Variants in PCDH7 observed in about 807,000 individuals in gnomAD.
PCDH7 encodes the protein protocadherin-7.
PCDH7 carries 17 observed loss-of-function variants against 58.9 expected under a neutral mutation model. That is an observed-to-expected ratio of 0.29 (90% CI 0.20 to 0.43). The LOEUF (loss-of-function observed/expected upper bound fraction) is 0.43, where lower values mean the gene tolerates loss of function less well. Ranked by LOEUF, PCDH7 falls within the 20% of genes least tolerant of loss-of-function variation. The probability of loss-of-function intolerance (pLI) is 1.00; values close to 1 mark genes in which losing one functional copy is unlikely to be tolerated. For missense variants in PCDH7, 1,274 were observed against 1,441.0 expected, an observed-to-expected ratio of 0.88 and a Z score of 1.88; for synonymous variants, 664 against 616.4, an observed-to-expected ratio of 1.08 and a Z score of -1.14.
At position 30,723,408 on chromosome 4, in the gene PCDH7, C is replaced by T. The variant is rs754335874; in HGVS notation, c.1986C>T (p.Thr662=). 8 of 1,614,040 alleles carry T rather than the reference C, an allele frequency of 5.0e-6. No individual in the cohort carries two copies. The highest frequency in any genetic ancestry group is 5.9e-6 in the Non-Finnish European group (7 of 1,180,028). Residue 662 remains threonine (T), a synonymous_variant, in exon 1 of 2, where the codon ACC becomes ACT. Transcript: ENST00000361762. The surrounding 1 kb of genome is among the most constrained non-coding windows in gnomAD (Gnocchi z 4.6). ...CCAACAGCCCTGTGGGGATGGTCAC[C>T]GTGATGGATGCTGACAAGGGGCGGA...
At chr4:30,743,799 A>G (rs1717403449) in intron 1 of PCDH7, among the ~76,000 whole-genome samples, 1 of 152,084 alleles carries the variant, frequency 6.6e-6, no homozygotes, top group African/African-American at 2.4e-5. Context: ...GTCATAATTT[A>G]TCTTTGCAAA....
chr4:31,053,084 C>T (rs1472270942), intron 3 of PCDH7, among the ~76,000 whole-genome samples: 4 of 151,868 alleles, frequency 2.6e-5, no homozygotes, highest in Non-Finnish European at 4.4e-5. Context: ...GTTAGGATAC[C>T]TTTTTGTTGG....
chr4:30,999,535 C>T (rs943428176), intron 3 of PCDH7, among the ~76,000 whole-genome samples: 6 of 152,008 alleles, frequency 3.9e-5, no homozygotes, highest in East Asian at 1.9e-4. Flanking sequence ...CTTAATACAG[C>T]CTCATATAGT....
At chr4:31,091,300 T>A (rs2109284856) in intron 3 of PCDH7, among the ~76,000 whole-genome samples, 1 of 152,114 alleles carries the variant, frequency 6.6e-6, no homozygotes, top group Admixed American at 6.6e-5. Context: ...TTAGCATTCA[T>A]ATACTTCTTA....
Position 30,871,543 on chromosome 4 carries a change from G to A in PCDH7, c.71-48610G>A, listed in dbSNP as rs373569080. Among the ~76,000 whole-genome samples, 39 of 152,142 alleles carry A rather than the reference G, an allele frequency of 2.6e-4. 1 individual carries two copies. The highest frequency in any genetic ancestry group is 7.7e-4 in the East Asian group (4 of 5,162). Reference sequence around the variant, plus strand: ...GCCTCTGACAGGGCAGCCACTTCCCGAATACAAGTCTACCAAAAACAAAAC... The same window carrying A: ...GCCTCTGACAGGGCAGCCACTTCCCAAATACAAGTCTACCAAAAACAAAAC... On this transcript the variant is annotated intron_variant, in intron 1 of 3. Coordinates refer to the PCDH7 transcript ENST00000509759.
chr4:31,138,545 T>C (rs1235361267), intron 3 of PCDH7, among the ~76,000 whole-genome samples: 1 of 152,222 alleles, frequency 6.6e-6, no homozygotes, highest in Non-Finnish European at 1.5e-5. Flanking sequence ...TCAAAACACT[T>C]ATTCTTCGGC....
chr4:30,910,608 A>T (rs1741604774), intron 1 of PCDH7, among the ~76,000 whole-genome samples: 1 of 152,230 alleles, frequency 6.6e-6, no homozygotes, highest in Non-Finnish European at 1.5e-5. Context: ...CCACAATGAG[A>T]TACCCTCTCA....
intron 1 of PCDH7, among the ~76,000 whole-genome samples, chr4:30,870,873 A>C (rs571583806): frequency 1.3e-4 from 20 of 152,138 alleles, no homozygotes; most frequent in African/African-American, 4.3e-4. Flanking sequence ...AGTTATTACC[A>C]CTGGATTTTG....
At chr4:31,083,106 TCAAAAA>T (rs1223986558) in intron 3 of PCDH7, among the ~76,000 whole-genome samples, 22 of 151,952 alleles carry the variant, frequency 1.4e-4, no homozygotes, top group South Asian at 2.1e-4. Context: ...AGACTCCATC[TCAAAAA>T]CAAAAACAAA....
At chr4:30,795,999 G>A (rs930792960) in intron 1 of PCDH7, among the ~76,000 whole-genome samples, 1 of 152,066 alleles carries the variant, frequency 6.6e-6, no homozygotes, top group African/African-American at 2.4e-5. Flanking sequence ...GAGTAATTAG[G>A]TAAGTTCATA....
chr4:30,904,428 C>G (rs991593871), intron 1 of PCDH7, among the ~76,000 whole-genome samples: 5 of 152,118 alleles, frequency 3.3e-5, no homozygotes, highest in Admixed American at 6.6e-5. Flanking sequence ...TCTCCCCCAT[C>G]TCCTTTTAAG....
chr4:30,721,676 G>A lies in PCDH7; in HGVS notation c.254G>A (p.Ser85Asn), dbSNP rs1390238194. 1.2e-6 allele frequency: 2 copies of A among 1,613,868 alleles called. No homozygotes were observed. The highest frequency in any genetic ancestry group is 1.7e-6 in the Non-Finnish European group (2 of 1,180,028). The stretch of plus-strand genomic sequence containing the variant: ...ATCGACAACCTCACTGGCGAGCTGA[G>A]CACGAGCGAGCGGCGCATCGACCGC... The change falls in exon 1 of 2, where the codon AGC (serine) becomes AAC (asparagine). Residue 85 changes from serine (S) to asparagine (N), a missense_variant. This residue lies in a region of PCDH7 where 212 missense variants were observed against 255.8 expected (regional missense o/e 0.83). Transcript: ENST00000361762. This position sits in a 1 kb window ranked among gnomAD's most constrained non-coding sequence, Gnocchi z 6.7.
intron 1 of PCDH7, among the ~76,000 whole-genome samples, chr4:30,829,198 G>A (rs745595643): frequency 1.3e-5 from 2 of 152,036 alleles, no homozygotes; most frequent in Non-Finnish European, 2.9e-5. Flanking sequence ...CTGAGAGAGA[G>A]AGAGGACTCT....
chr4:30,966,654 G>T (rs1455390096), intron 3 of PCDH7, among the ~76,000 whole-genome samples: 1 of 152,028 alleles, frequency 6.6e-6, no homozygotes, highest in East Asian at 1.9e-4. Context: ...CTGTAAGGAG[G>T]GAGTCACCAA....
chr4:31,090,194 G>A (rs1185115113), intron 3 of PCDH7, among the ~76,000 whole-genome samples: 4 of 151,892 alleles, frequency 2.6e-5, no homozygotes, highest in Non-Finnish European at 4.4e-5. Flanking sequence ...AGGATCCTTG[G>A]AAGTGTGCAA....
In PCDH7 at chr4:30,806,403, C is replaced by CA; in HGVS notation, c.70+81809dup. Among the ~76,000 whole-genome samples the CA allele has an allele frequency of 2.0e-5, 3 of 152,090 alleles. No homozygotes were observed. The East Asian group carries it at 5.9e-4, about 30-fold the overall frequency. On this transcript the variant is annotated intron_variant, in intron 1 of 3. Coordinates refer to the PCDH7 transcript ENST00000509759. ...CACTGCAACCTCTGCCTCCTGGGTT[C>CA]AAGCAGTTCTCCTGTCTCAGCCTCC...
chr4:30,979,771 C>T (rs1750394299), intron 3 of PCDH7, among the ~76,000 whole-genome samples: 1 of 152,014 alleles, frequency 6.6e-6, no homozygotes, highest in South Asian at 2.1e-4. Context: ...TTGTATCTCT[C>T]CCACCTGGTC....
At chr4:30,809,264 C>T (rs955939284) in intron 1 of PCDH7, among the ~76,000 whole-genome samples, 3 of 152,152 alleles carry the variant, frequency 2.0e-5, no homozygotes, top group Non-Finnish European at 2.9e-5. Context: ...ATTATCAAAT[C>T]GTCTTTCCCC....
chr4:30,788,217 C>G (rs761003226), intron 1 of PCDH7, among the ~76,000 whole-genome samples: 3 of 152,070 alleles, frequency 2.0e-5, no homozygotes, highest in Non-Finnish European at 4.4e-5. Context: ...TTTTCTTCAA[C>G]CTAAATTATA....
Sources: allele counts gnomAD v4.1 joint callset (sites outside exome capture counted in the v4.1 genomes callset), GRCh38; gene constraint gnomAD v4.1.1; regional missense constraint gnomAD v4.1.1; non-coding constraint Gnocchi (gnomAD v3.1); transcripts MANE v1.5; gene names NCBI Gene and HGNC (gene_info 2026-07-23, HGNC 2026-07-21).